Variants in SORCS3 observed in about 807,000 individuals in gnomAD.
SORCS3 encodes the protein VPS10 domain-containing receptor SorCS3.
SORCS3 carries 57 observed loss-of-function variants against 146.3 expected under a neutral mutation model. The observed-to-expected ratio is 0.39, with a 90% confidence interval of 0.31 to 0.49. SORCS3 has a LOEUF of 0.49. SORCS3 is among the 20% of genes least tolerant of loss of function. The pLI is 0.92. For synonymous variants in SORCS3, 653 were observed against 618.5 expected (o/e 1.06, Z -0.83); for missense variants, 1,341 against 1,575.5 (o/e 0.85, Z 2.52).
At chr10:105,107,649 A>G (rs963156411) in intron 7 of SORCS3, among the ~76,000 whole-genome samples, 1 of 152,174 alleles carries the variant, frequency 6.6e-6, no homozygotes, top group Non-Finnish European at 1.5e-5. Context: ...CTCATTGCCA[A>G]GTATATGTGA....
chr10:104,641,360 C>T lies in SORCS3; in HGVS notation c.33C>T (p.Gly11=). Residue 11 remains glycine (G), a synonymous_variant, in exon 1 of 27, where the codon GGC becomes GGT. Transcript: ENST00000369701. The surrounding 1 kb of genome is among the most constrained non-coding windows in gnomAD (Gnocchi z 6.4). Reference sequence around the variant, plus strand: ...CGGCGCGCACGGAGCGCCCCGCAGGCAGGCCGGGGGCGCCGCTTGTCCGGA... The same window carrying T: ...CGGCGCGCACGGAGCGCCCCGCAGGTAGGCCGGGGGCGCCGCTTGTCCGGA... MEAARTERPA[G]RPGAPLVRTG... 1 of 1,388,476 alleles carries T rather than the reference C, an allele frequency of 7.2e-7. No individual in the cohort carries two copies. Among genetic ancestry groups the T allele is most frequent in the Non-Finnish European group, 9.3e-7 (1 of 1,075,530 alleles). 86.0% of individuals were successfully genotyped at this position (1,388,476 alleles called of 1,614,324 possible).
chr10:105,145,739 A>T (rs1482358744), intron 8 of SORCS3, among the ~76,000 whole-genome samples: 1 of 152,142 alleles, frequency 6.6e-6, no homozygotes, highest in Non-Finnish European at 1.5e-5. Context: ...GGAACCTGTA[A>T]TTCTACAAGG....
intron 3 of SORCS3, among the ~76,000 whole-genome samples, chr10:104,968,411 C>T (rs900589115): frequency 3.3e-5 from 5 of 152,196 alleles, no homozygotes; most frequent in Non-Finnish European, 5.9e-5. Flanking sequence ...CCACCGCGCC[C>T]GGCCTTGAGC....
intron 4 of SORCS3, among the ~76,000 whole-genome samples, chr10:105,003,992 TTC>T (rs1464410678): frequency 1.3e-4 from 16 of 127,874 alleles, no homozygotes; most frequent in African/African-American, 4.4e-4. Context: ...TTTTTTTCTC[TTC>T]TCTCTCTTTT....
At chr10:105,250,241 A>G (rs1027921043) in intron 22 of SORCS3, among the ~76,000 whole-genome samples, 7 of 152,080 alleles carry the variant, frequency 4.6e-5, no homozygotes, top group Non-Finnish European at 1.0e-4. Flanking sequence ...CCCTGATACC[A>G]TCACATTGGA....
intron 5 of SORCS3, among the ~76,000 whole-genome samples, chr10:105,072,454 G>C (rs2055562534): frequency 6.6e-6 from 1 of 152,256 alleles, no homozygotes; most frequent in Middle Eastern, 3.4e-3. Flanking sequence ...GTGACTTCTT[G>C]ATCTTCCCCT....
intron 1 of SORCS3, among the ~76,000 whole-genome samples, chr10:104,697,907 A>G (rs753598341): frequency 1.3e-5 from 2 of 152,220 alleles, no homozygotes; most frequent in Admixed American, 6.5e-5. Context: ...GCTATTCAGC[A>G]TATTCATGGT....
At chr10:105,008,509 T>C (rs1019252588) in intron 4 of SORCS3, among the ~76,000 whole-genome samples, 4 of 152,336 alleles carry the variant, frequency 2.6e-5, no homozygotes, top group African/African-American at 9.6e-5. Context: ...TTTTGTTGCA[T>C]TGACTCATGA....
chr10:104,701,850 C>A (rs1311637296), intron 1 of SORCS3, among the ~76,000 whole-genome samples: 3 of 152,092 alleles, frequency 2.0e-5, no homozygotes, highest in Non-Finnish European at 2.9e-5. Context: ...TCCTTTCCAG[C>A]ACTCTGAACA....
chr10:104,922,729 A>C (rs1162104931), intron 3 of SORCS3, among the ~76,000 whole-genome samples: 5 of 152,176 alleles, frequency 3.3e-5, no homozygotes, highest in Non-Finnish European at 5.9e-5. Flanking sequence ...AGGCTGTACC[A>C]AATCTACTGT....
intron 1 of SORCS3, among the ~76,000 whole-genome samples, chr10:104,711,763 GCTA>G (rs2016418781): frequency 6.6e-6 from 1 of 152,226 alleles, no homozygotes; most frequent in Non-Finnish European, 1.5e-5. Flanking sequence ...AGCATCACAG[GCTA>G]CTGAGTCCAG....
At chr10:104,949,935 G>A (rs1335147660) in intron 3 of SORCS3, among the ~76,000 whole-genome samples, 1 of 152,216 alleles carries the variant, frequency 6.6e-6, no homozygotes, top group Non-Finnish European at 1.5e-5. Flanking sequence ...TGAGTTAAGA[G>A]AGTAATAAGA....
chr10:104,679,980 G>A (rs2015952268), intron 1 of SORCS3, among the ~76,000 whole-genome samples: 1 of 152,206 alleles, frequency 6.6e-6, no homozygotes, highest in African/African-American at 2.4e-5. Context: ...CCTGCTGTGA[G>A]ACTGCATGGG....
chr10:105,007,021 A>G (rs2055100295), intron 4 of SORCS3, among the ~76,000 whole-genome samples: 1 of 152,182 alleles, frequency 6.6e-6, no homozygotes, highest in African/African-American at 2.4e-5. Context: ...CTGTTGACCA[A>G]CAGGGTAAGT....
intron 1 of SORCS3, among the ~76,000 whole-genome samples, chr10:104,645,683 T>C (rs1035692077): frequency 1.7e-4 from 26 of 152,188 alleles, no homozygotes; most frequent in Non-Finnish European, 3.5e-4. Flanking sequence ...TTCTAGGCCC[T>C]CCCAGATCAC....
At chr10:105,087,596 T>C (rs531446961) in intron 5 of SORCS3, among the ~76,000 whole-genome samples, 26 of 152,154 alleles carry the variant, frequency 1.7e-4, no homozygotes, top group South Asian at 4.1e-4. Flanking sequence ...TCAAGTGTTT[T>C]ACATTGAAAT....
chr10:104,803,560 A>C (rs2017648253), intron 1 of SORCS3, among the ~76,000 whole-genome samples: 1 of 152,168 alleles, frequency 6.6e-6, no homozygotes, highest in African/African-American at 2.4e-5. Flanking sequence ...CCTGGGCTGA[A>C]ATATTTTTGA....
At chr10:105,091,953 C>T (rs1044306030) in intron 6 of SORCS3, among the ~76,000 whole-genome samples, 3 of 152,268 alleles carry the variant, frequency 2.0e-5, no homozygotes, top group South Asian at 2.1e-4. Context: ...CTGTCATGGT[C>T]ATGGTATTTC....
At chr10:105,184,925 C>T (rs2056465790) in intron 14 of SORCS3, among the ~76,000 whole-genome samples, 1 of 152,188 alleles carries the variant, frequency 6.6e-6, no homozygotes. Context: ...ACTTACTCAT[C>T]TTGCATAATT....
Sources: allele counts gnomAD v4.1 joint callset (sites outside exome capture counted in the v4.1 genomes callset), GRCh38; gene constraint gnomAD v4.1.1; non-coding constraint Gnocchi (gnomAD v3.1); transcripts MANE v1.5; gene names NCBI Gene and HGNC (gene_info 2026-07-23, HGNC 2026-07-21).